Variants in STARD13 observed in about 807,000 individuals in gnomAD.
STARD13 encodes StAR related lipid transfer domain containing 13.
Under a neutral mutation model 106.4 loss-of-function variants are expected in STARD13, and 62 were observed. The ratio of observed to expected loss-of-function variants is 0.58; its 90% confidence interval spans 0.48 to 0.72. The LOEUF is 0.72. Ranked by LOEUF, STARD13 falls within the 30% of genes least tolerant of loss-of-function variation. STARD13 has a pLI of 0.00. For synonymous variants in STARD13, 565 were observed against 553.0 expected (o/e 1.02, Z -0.31); for missense variants, 1,387 against 1,424.0 (o/e 0.97, Z 0.42).
At chr13:33,436,457 T>C in the STARD13 span, among the ~76,000 whole-genome samples, 1 of 152,216 alleles carries the variant, frequency 6.6e-6, no homozygotes, top group Non-Finnish European at 1.5e-5. Context: ...CAACCATCAC[T>C]ACTTGGGTTA....
chr13:33,259,086 T>A (rs1274102572), intron 1 of STARD13, among the ~76,000 whole-genome samples: 1 of 152,222 alleles, frequency 6.6e-6, no homozygotes, highest in Non-Finnish European at 1.5e-5. Flanking sequence ...ACTTCTGTCC[T>A]GTACTATCAT....
At chr13:33,629,495 C>T in the STARD13 span, among the ~76,000 whole-genome samples, 1 of 152,140 alleles carries the variant, frequency 6.6e-6, no homozygotes, top group Non-Finnish European at 1.5e-5. Flanking sequence ...GTGGCTTGGC[C>T]TTAACATAAA....
chr13:33,507,595 G>C, the STARD13 span, among the ~76,000 whole-genome samples: 3 of 152,202 alleles, frequency 2.0e-5, no homozygotes, highest in Admixed American at 1.3e-4. Context: ...ATTGACCCTT[G>C]AACAAGGCAC....
the STARD13 span, among the ~76,000 whole-genome samples, chr13:33,664,783 C>T: frequency 6.6e-6 from 1 of 152,176 alleles, no homozygotes; most frequent in African/African-American, 2.4e-5. Flanking sequence ...CCCGCCACCA[C>T]GCCCGGCTAA....
chr13:33,290,976 T>C (rs1892270825), intron 1 of STARD13, among the ~76,000 whole-genome samples: 2 of 150,834 alleles, frequency 1.3e-5, no homozygotes, highest in African/African-American at 4.8e-5. Context: ...ACCACTGTTA[T>C]GTGGCACATT....
At chr13:33,657,743 C>T in the STARD13 span, among the ~76,000 whole-genome samples, 1 of 152,180 alleles carries the variant, frequency 6.6e-6, no homozygotes, top group South Asian at 2.1e-4. Context: ...AGTAGTTGTG[C>T]TCACTCTTCT....
At chr13:33,304,234 TG>T (rs1296011014) in intron 1 of STARD13, among the ~76,000 whole-genome samples, 8 of 152,184 alleles carry the variant, frequency 5.3e-5, no homozygotes, top group Admixed American at 5.2e-4. Flanking sequence ...ATTGCTTTGA[TG>T]GTTTCTATTT....
At chr13:33,341,728 C>T (rs1205895517) in intron 1 of STARD13, among the ~76,000 whole-genome samples, 1 of 152,170 alleles carries the variant, frequency 6.6e-6, no homozygotes, top group African/African-American at 2.4e-5. Flanking sequence ...GCTGTATTGC[C>T]CCCCAGGGTG....
the STARD13 span, among the ~76,000 whole-genome samples, chr13:33,560,007 A>G: frequency 2.6e-5 from 4 of 151,594 alleles, 1 homozygote; most frequent in African/African-American, 9.8e-5. Flanking sequence ...TATGAAATAT[A>G]TGCCTGTTAT....
chr13:33,242,286 G>A (rs935831386), intron 1 of STARD13, among the ~76,000 whole-genome samples: 7 of 152,200 alleles, frequency 4.6e-5, no homozygotes, highest in African/African-American at 1.7e-4. Context: ...CCATGATGAC[G>A]AGGGCAGTTT....
the STARD13 span, among the ~76,000 whole-genome samples, chr13:33,416,909 C>A: frequency 6.6e-6 from 1 of 152,020 alleles, no homozygotes; most frequent in East Asian, 1.9e-4. Flanking sequence ...AGTTAAAAGA[C>A]AACTCTAAGA....
At chr13:33,485,826 T>G in the STARD13 span, among the ~76,000 whole-genome samples, 3 of 152,318 alleles carry the variant, frequency 2.0e-5, no homozygotes, top group South Asian at 6.2e-4. Context: ...ATACAACCTT[T>G]CAATTTCAAA....
At chr13:33,460,839 C>T in the STARD13 span, among the ~76,000 whole-genome samples, 3 of 152,070 alleles carry the variant, frequency 2.0e-5, no homozygotes, top group Non-Finnish European at 4.4e-5. Flanking sequence ...TTGAAATTGG[C>T]AACTTTAAGC....
chr13:33,463,828 G>A, the STARD13 span, among the ~76,000 whole-genome samples: 4 of 151,700 alleles, frequency 2.6e-5, no homozygotes, highest in African/African-American at 7.3e-5. Flanking sequence ...CCTGGCTAAC[G>A]TGTCAAAACC....
At chr13:33,662,428 A>G in the STARD13 span, among the ~76,000 whole-genome samples, 1 of 152,138 alleles carries the variant, frequency 6.6e-6, no homozygotes, top group Non-Finnish European at 1.5e-5. Flanking sequence ...AAAATGTTGT[A>G]ATGGAAAGGC....
At chr13:33,569,197 A>G in the STARD13 span, among the ~76,000 whole-genome samples, 1 of 148,188 alleles carries the variant, frequency 6.7e-6, no homozygotes, top group Non-Finnish European at 1.5e-5. Flanking sequence ...ATGTTATACT[A>G]TGTTATTCTT....
At chr13:33,605,567 C>T in the STARD13 span, among the ~76,000 whole-genome samples, 1 of 152,040 alleles carries the variant, frequency 6.6e-6, no homozygotes, top group Non-Finnish European at 1.5e-5. Context: ...CACTTACTCT[C>T]GGTTTCTGTA....
chr13:33,234,555 A>G (rs1364801703), intron 1 of STARD13, among the ~76,000 whole-genome samples: 1 of 152,240 alleles, frequency 6.6e-6, no homozygotes, highest in East Asian at 1.9e-4. Context: ...GTGAAAATTA[A>G]CTATGAAGTT....
intron 1 of STARD13, among the ~76,000 whole-genome samples, chr13:33,267,381 AAAC>A (rs1037334421): frequency 3.3e-5 from 5 of 152,054 alleles, no homozygotes; most frequent in African/African-American, 4.8e-5. Context: ...ATAAACCTTA[AAAC>A]AACAACAACA....
Sources: gnomAD v4.1 joint callset for allele counts (sites outside exome capture counted in the v4.1 genomes callset) on GRCh38, gnomAD v4.1.1 for gene constraint, MANE v1.5 for transcripts, NCBI Gene and HGNC (gene_info 2026-07-23, HGNC 2026-07-21) for gene names.